SEMA3E: variants seen among roughly 807,000 people sequenced by gnomAD.
SEMA3E encodes semaphorin 3E, also known as semaphorin-3E.
SEMA3E carries 49 observed loss-of-function variants against 93.6 expected under a neutral mutation model. The ratio of observed to expected loss-of-function variants is 0.52; its 90% CI spans 0.42 to 0.66. The LOEUF (loss-of-function observed/expected upper bound fraction) is 0.66. SEMA3E is among the 30% of genes least tolerant of loss of function. The probability of loss-of-function intolerance (pLI) is 0.00; values close to 1 mark genes in which losing one functional copy is unlikely to be tolerated. For missense variants in SEMA3E, 906 were observed against 964.8 expected (o/e 0.94, Z 0.81); for synonymous variants, 363 against 330.7 (o/e 1.10, Z -1.06).
intron 1 of SEMA3E, among the ~76,000 whole-genome samples, chr7:83,497,636 T>C (rs1240655912): frequency 6.6e-6 from 1 of 152,244 alleles, no homozygotes. Context: ...TGGCTTATGA[T>C]GTTGAAACAG....
chr7:83,604,792 A>C (rs375091419), intron 1 of SEMA3E, among the ~76,000 whole-genome samples: 1 of 151,442 alleles, frequency 6.6e-6, no homozygotes, highest in African/African-American at 2.4e-5. Context: ...CTCGCCCCCC[A>C]CCCGCTGATA....
Position 83,363,728 on chromosome 7 carries a change from C to T in SEMA3E, c.*3858G>A, listed in dbSNP as rs1175211154. The T allele has an allele frequency of 6.6e-6, 1 of 152,082 alleles. No homozygotes were observed. Among genetic ancestry groups the T allele is most frequent in the Non-Finnish European group, 1.5e-5 (1 of 68,032 alleles). The allele number at this position is 152,082 out of a possible 1,614,324, so 9.4% of individuals were successfully genotyped here. On this transcript the variant is annotated 3_prime_UTR_variant, in exon 17 of 17. Transcript: ENST00000643230. ...TTTTAAAATGGAACTCAGTGTGACG[C>T]TCTGCTGTAAGAAAAAGAGTATGGA...
In SEMA3E at chr7:83,382,225, A is replaced by G. The variant is rs73707809; in HGVS notation, c.1875+3069T>C. The stretch of plus-strand genomic sequence containing the variant: ...GAACCTACTTTACTGGCTGCAAGTA[A>G]CCAGGGGAGTTATTAAATATCCTGT... On this transcript the variant is annotated intron_variant, in intron 16 of 16. Coordinates refer to ENST00000643230, the MANE Select transcript of SEMA3E (RefSeq NM_012431.3). Among the ~76,000 whole-genome samples, 538 of 152,146 alleles carry G rather than the reference A, an allele frequency of 3.5e-3. 5 individuals carry two copies. Among genetic ancestry groups the G allele is most frequent in the African/African-American group, 0.012 (509 of 41,550 alleles).
intron 16 of SEMA3E, among the ~76,000 whole-genome samples, chr7:83,373,561 C>G (rs1457213737): frequency 1.3e-5 from 2 of 151,994 alleles, no homozygotes; most frequent in African/African-American, 4.8e-5. Flanking sequence ...TGTTTAAAAG[C>G]TCATTCGGGG....
At chr7:83,484,338 C>T (rs1304143857) in intron 2 of SEMA3E, among the ~76,000 whole-genome samples, 1 of 152,314 alleles carries the variant, frequency 6.6e-6, no homozygotes, top group African/African-American at 2.4e-5. Context: ...TGCTACCTTC[C>T]TCCTTGTCAT....
At chr7:83,464,141 C>T (rs1789699727) in intron 4 of SEMA3E, among the ~76,000 whole-genome samples, 1 of 152,144 alleles carries the variant, frequency 6.6e-6, no homozygotes, top group South Asian at 2.1e-4. Context: ...CTTTATATCC[C>T]TTACGGTCCT....
At chr7:83,609,654 T>G (rs753114075) in intron 1 of SEMA3E, among the ~76,000 whole-genome samples, 6 of 151,976 alleles carry the variant, frequency 3.9e-5, no homozygotes, top group Non-Finnish European at 5.9e-5. Context: ...GTGATTAATT[T>G]AACAATAAAA....
Position 83,635,896 on chromosome 7 carries a change from T to C in SEMA3E, c.115+12532A>G, listed in dbSNP as rs576176050. Among the ~76,000 whole-genome samples, 510 of 140,856 alleles carry C rather than the reference T, an allele frequency of 3.6e-3. 6 individuals are homozygous for C. Among genetic ancestry groups the C allele is most frequent in the African/African-American group, 0.013 (475 of 37,686 alleles). 92.4% of individuals were successfully genotyped at this position (140,856 alleles called of 152,430 possible). On this transcript the variant is annotated intron_variant, in intron 1 of 16. Transcript: ENST00000643230. ...GACAGACTGACAAAAAAAAAAAAAATCTTGCTTTGGTCAATTGGGCCTTTC... is the reference window on the plus strand; with the variant it reads ...GACAGACTGACAAAAAAAAAAAAAACCTTGCTTTGGTCAATTGGGCCTTTC...
chr7:83,397,735 GA>G (rs1017018905), intron 11 of SEMA3E, among the ~76,000 whole-genome samples: 1 of 151,422 alleles, frequency 6.6e-6, no homozygotes, highest in Admixed American at 6.6e-5. Flanking sequence ...TAATAATTTA[GA>G]AAAAAAAGAA....
In SEMA3E at chr7:83,420,440, A is replaced by G. The variant is rs372204118; in HGVS notation, c.457-1957T>C. Reference sequence around the variant, plus strand: ...AACTATCAACATCATTTTTCACAGAATTAGAAGAAAACTATTCTAAAATTC... The same window carrying G: ...AACTATCAACATCATTTTTCACAGAGTTAGAAGAAAACTATTCTAAAATTC... On this transcript the variant is annotated intron_variant, in intron 4 of 16. Transcript: ENST00000643230. Among the ~76,000 whole-genome samples the G allele has an allele frequency of 4.6e-5, 7 of 152,294 alleles. No individual in the cohort carries two copies. In the East Asian group the frequency reaches 1.3e-3, roughly 29 times the overall value.
At chr7:83,559,279 C>T (rs951393140) in intron 1 of SEMA3E, among the ~76,000 whole-genome samples, 2 of 152,022 alleles carry the variant, frequency 1.3e-5, no homozygotes, top group Non-Finnish European at 2.9e-5. Context: ...ATATACAAGG[C>T]TCCAGCATTG....
At chr7:83,406,383 T>C (rs1305705444) in intron 7 of SEMA3E, among the ~76,000 whole-genome samples, 1 of 151,986 alleles carries the variant, frequency 6.6e-6, no homozygotes, top group Admixed American at 6.6e-5. Context: ...ATTACTTTGT[T>C]CATAAATAAT....
intron 4 of SEMA3E, among the ~76,000 whole-genome samples, chr7:83,431,757 T>G (rs182812896): frequency 6.6e-6 from 1 of 152,312 alleles, no homozygotes; most frequent in East Asian, 1.9e-4. Flanking sequence ...TTTTTGGCAA[T>G]TGGTGTTAAT....
At chr7:83,647,000 A>G (rs1029090412) in intron 1 of SEMA3E, among the ~76,000 whole-genome samples, 7 of 152,042 alleles carry the variant, frequency 4.6e-5, no homozygotes, top group Non-Finnish European at 8.8e-5. Flanking sequence ...CATCACATCA[A>G]ATTTGTACAT....
intron 1 of SEMA3E, among the ~76,000 whole-genome samples, chr7:83,528,246 C>T (rs1791205009): frequency 6.6e-6 from 1 of 152,054 alleles, no homozygotes; most frequent in African/African-American, 2.4e-5. Flanking sequence ...ACTTGGGAAA[C>T]TCAAACAAAA....
At chr7:83,579,650 A>G (rs954475333) in intron 1 of SEMA3E, among the ~76,000 whole-genome samples, 5 of 152,150 alleles carry the variant, frequency 3.3e-5, no homozygotes, top group African/African-American at 1.2e-4. Flanking sequence ...ACCAGGTCCC[A>G]GTTAATTGAC....
intron 13 of SEMA3E, among the ~76,000 whole-genome samples, chr7:83,393,015 G>A (rs1350601875): frequency 1.5e-5 from 2 of 137,494 alleles, no homozygotes; most frequent in Non-Finnish European, 1.5e-5. Flanking sequence ...GTGGAACCTG[G>A]GCGACAAGAG....
chr7:83,443,330 T>C (rs1409507030), intron 4 of SEMA3E, among the ~76,000 whole-genome samples: 1 of 152,140 alleles, frequency 6.6e-6, no homozygotes, highest in African/African-American at 2.4e-5. Context: ...AGGTATCCAC[T>C]TCTGACAGAA....
At position 83,504,939 on chromosome 7, in the gene SEMA3E, T is replaced by TA. The variant is rs202028452; in HGVS notation, c.116-14666dup. Among the ~76,000 whole-genome samples, 500 of 152,256 alleles carry TA rather than the reference T, an allele frequency of 3.3e-3. 4 individuals carry two copies. Among genetic ancestry groups the TA allele is most frequent in the African/African-American group, 0.01 (423 of 41,546 alleles). ...AAAAACAGAAGCTCACCGAGAAAGT[T>TA]AAAAAACTTCCTATTGTCACTTATC... is the stretch of plus-strand genomic sequence containing the variant. On this transcript the variant is annotated intron_variant, in intron 1 of 16. Transcript: ENST00000643230.
Sources: gnomAD v4.1 joint callset for allele counts (sites outside exome capture counted in the v4.1 genomes callset) on GRCh38, gnomAD v4.1.1 for gene constraint, MANE v1.5 for transcripts, NCBI Gene and HGNC (gene_info 2026-07-23, HGNC 2026-07-21) for gene names.